SIK2: variants seen among roughly 807,000 people sequenced by gnomAD.
SIK2 encodes the protein serine/threonine-protein kinase SIK2.
Under a neutral mutation model 103.2 loss-of-function variants are expected in SIK2, and 29 were observed. The ratio of observed to expected loss-of-function variants is 0.28; its 90% CI spans 0.21 to 0.38. The LOEUF (loss-of-function observed/expected upper bound fraction) is 0.38. Among genes scored for constraint, SIK2 ranks in the 10% least tolerant of loss-of-function variants. SIK2 has a pLI of 1.00. For synonymous variants in SIK2, 412 were observed against 446.1 expected (o/e 0.92, Z 0.96); for missense variants, 879 against 1,171.0 (o/e 0.75, Z 3.64).
At chr11:111,642,502 G>A (rs887472254) in intron 3 of SIK2, among the ~76,000 whole-genome samples, 2 of 152,084 alleles carry the variant, frequency 1.3e-5, no homozygotes, top group African/African-American at 4.8e-5. Flanking sequence ...CAAGGTATAG[G>A]GGGAGGGCAG....
At chr11:111,717,228 A>G (rs572897588) in intron 9 of SIK2, among the ~76,000 whole-genome samples, 1 of 137,086 alleles carries the variant, frequency 7.3e-6, no homozygotes, top group Admixed American at 8.4e-5. Context: ...AGGCAGGAGA[A>G]TGGCGTGAAC....
intron 2 of SIK2, among the ~76,000 whole-genome samples, chr11:111,616,797 CT>C (rs1212431464): frequency 6.6e-6 from 1 of 151,858 alleles, no homozygotes; most frequent in Non-Finnish European, 1.5e-5. Flanking sequence ...TACCACTACA[CT>C]TTAGCCTGGG....
In SIK2 at chr11:111,674,623, A is replaced by G. The variant is rs17558912; in HGVS notation, c.317-13378A>G. Among the ~76,000 whole-genome samples, 860 of 152,374 alleles carry G rather than the reference A, an allele frequency of 5.6e-3. 12 individuals are homozygous for G. Among genetic ancestry groups the G allele is most frequent in the Non-Finnish European group, 5.3e-3 (362 of 68,042 alleles). Reference sequence around the variant, plus strand: ...GTATAATAGTTAAGGAACATAAAATACCACAATCGTAAATTGTGTAGTGAA... The same window carrying G: ...GTATAATAGTTAAGGAACATAAAATGCCACAATCGTAAATTGTGTAGTGAA... On this transcript the variant is annotated intron_variant, in intron 3 of 14. Coordinates refer to ENST00000304987, the MANE Select transcript of SIK2 (RefSeq NM_015191.3).
At chr11:111,713,542 T>A (rs1943558435) in intron 9 of SIK2, among the ~76,000 whole-genome samples, 1 of 152,232 alleles carries the variant, frequency 6.6e-6, no homozygotes, top group African/African-American at 2.4e-5. Flanking sequence ...TGGTTTCCTG[T>A]CTTTTTAGCC....
chr11:111,677,889 C>T (rs1287098114), intron 3 of SIK2, among the ~76,000 whole-genome samples: 1 of 152,154 alleles, frequency 6.6e-6, no homozygotes, highest in Non-Finnish European at 1.5e-5. Context: ...AGATTATTAA[C>T]CTGAGTTTAC....
intron 1 of SIK2, among the ~76,000 whole-genome samples, chr11:111,614,673 A>G (rs947554464): frequency 6.6e-6 from 1 of 152,196 alleles, no homozygotes. Flanking sequence ...TGGTGGAAGA[A>G]AATTTGTGTA....
At chr11:111,650,140 A>G (rs1162708840) in intron 3 of SIK2, among the ~76,000 whole-genome samples, 1 of 152,030 alleles carries the variant, frequency 6.6e-6, no homozygotes, top group East Asian at 1.9e-4. Flanking sequence ...AAACAACTAA[A>G]ATACAGCTTA....
At chr11:111,620,423 T>G (rs1941866439) in intron 3 of SIK2, 21 bp downstream of exon 3, 2 of 1,497,108 alleles carry the variant, frequency 1.3e-6, no homozygotes, top group East Asian at 4.6e-5. Flanking sequence ...TCCTTTAAAT[T>G]TTCTATTAAT....
intron 3 of SIK2, among the ~76,000 whole-genome samples, chr11:111,659,876 A>G (rs979669315): frequency 3.3e-5 from 5 of 152,200 alleles, no homozygotes; most frequent in Non-Finnish European, 5.9e-5. Flanking sequence ...TTGATTGGAG[A>G]CGCAACCGTG....
chr11:111,628,615 T>G (rs1013341541), intron 3 of SIK2, among the ~76,000 whole-genome samples: 1 of 151,816 alleles, frequency 6.6e-6, no homozygotes, highest in Non-Finnish European at 1.5e-5. Context: ...TTTGTAGAGA[T>G]GGGATCTTGC....
chr11:111,682,332 G>T (rs1319764421), intron 3 of SIK2, among the ~76,000 whole-genome samples: 1 of 152,122 alleles, frequency 6.6e-6, no homozygotes, highest in East Asian at 1.9e-4. Flanking sequence ...CATGACAGTG[G>T]CATAGGAAAA....
intron 3 of SIK2, among the ~76,000 whole-genome samples, chr11:111,628,973 G>A (rs1942002167): frequency 6.6e-6 from 1 of 152,190 alleles, no homozygotes; most frequent in East Asian, 1.9e-4. Flanking sequence ...CCATCTGAGA[G>A]CCAGGAAGTG....
chr11:111,692,384 A>AAAAAAAAAAAAAC (rs1942966207), intron 4 of SIK2, among the ~76,000 whole-genome samples: 2 of 129,544 alleles, frequency 1.5e-5, no homozygotes, highest in South Asian at 5.2e-4. Context: ...AAAAAAAAAA[A>AAAAAAAAAAAAAC]AAAACACAAA....
Position 111,720,000 on chromosome 11 carries a change from G to A in SIK2, c.1492G>A (p.Ala498Thr). 6.2e-7 allele frequency: 1 copy of A among 1,612,894 alleles called. No homozygotes were observed. Among genetic ancestry groups the A allele is most frequent in the Middle Eastern group, 1.7e-4 (1 of 6,002 alleles). The part of the protein sequence containing the change: ...VTNQLVVMPG[A>T]GKIFSMNDSP... ...CAATCAACTGGTCGTGATGCCTGGGGCAGGTACGGTAGAGGAGCGACACTA... is the reference window on the plus strand; with the variant it reads ...CAATCAACTGGTCGTGATGCCTGGGACAGGTACGGTAGAGGAGCGACACTA... Residue 498 changes from alanine to threonine, a missense_variant, in exon 10 of 15, where the codon GCA becomes ACA. This residue lies in a region of SIK2 where 222 missense variants were observed against 258.0 expected (regional missense o/e 0.86). Coordinates refer to ENST00000304987, the MANE Select transcript of SIK2 (RefSeq NM_015191.3).
rs368155132 is a variant in SIK2, at chr11:111,712,390, G to C, written c.1266+15G>C. Reference sequence around the variant, plus strand: ...ACACTCCAAAGGTACGGCTATGTTTGAGAGTCTCAGAACTGGCAGTTTGGC... The same window carrying C: ...ACACTCCAAAGGTACGGCTATGTTTCAGAGTCTCAGAACTGGCAGTTTGGC... On this transcript the variant is annotated intron_variant, in intron 9 of 14. Coordinates refer to ENST00000304987, the MANE Select transcript of SIK2 (RefSeq NM_015191.3). 1.2e-6 allele frequency: 2 copies of C among 1,608,126 alleles called. No homozygotes were observed. The highest frequency in any genetic ancestry group is 1.7e-6 in the Non-Finnish European group (2 of 1,176,348).
At chr11:111,632,759 G>A (rs371139616) in intron 3 of SIK2, among the ~76,000 whole-genome samples, 12 of 151,598 alleles carry the variant, frequency 7.9e-5, no homozygotes, top group African/African-American at 1.9e-4. Flanking sequence ...CTTCTGCCCC[G>A]CCCCTCATCT....
At chr11:111,689,163 G>A (rs549230731) in intron 4 of SIK2, among the ~76,000 whole-genome samples, 4 of 152,266 alleles carry the variant, frequency 2.6e-5, no homozygotes, top group African/African-American at 9.6e-5. Context: ...AAAATCTGTA[G>A]GCATGCAGGA....
intron 8 of SIK2, among the ~76,000 whole-genome samples, chr11:111,709,859 G>C (rs1943450539): frequency 6.6e-6 from 1 of 152,192 alleles, no homozygotes. Context: ...GGTCGGATGT[G>C]AACACTGTCA....
At chr11:111,698,828 T>C (rs1943143039) in intron 4 of SIK2, among the ~76,000 whole-genome samples, 1 of 152,240 alleles carries the variant, frequency 6.6e-6, no homozygotes, top group Admixed American at 6.5e-5. Flanking sequence ...AATTATTGTA[T>C]GTATTTCAGG....
Sources: gnomAD v4.1 joint callset for allele counts (sites outside exome capture counted in the v4.1 genomes callset) on GRCh38, gnomAD v4.1.1 for gene constraint, gnomAD v4.1.1 regional missense constraint, MANE v1.5 for transcripts, NCBI Gene and HGNC (gene_info 2026-07-23, HGNC 2026-07-21) for gene names.